Variants in PLCE1 observed in about 807,000 individuals in gnomAD.
PLCE1 encodes the protein 1-phosphatidylinositol 4,5-bisphosphate phosphodiesterase epsilon-1.
PLCE1 carries 119 observed loss-of-function variants against 242.8 expected under a neutral mutation model. The observed-to-expected ratio is 0.49, with a 90% confidence interval of 0.42 to 0.57. The LOEUF (loss-of-function observed/expected upper bound fraction) is 0.57, where lower values mean the gene tolerates loss of function less well. PLCE1 is among the 20% of genes least tolerant of loss of function. The pLI is 0.00. For missense variants in PLCE1, 2,441 were observed against 2,788.8 expected, an observed-to-expected ratio of 0.88 and a Z score of 2.81; for synonymous variants, 945 against 1,017.4, an observed-to-expected ratio of 0.93 and a Z score of 1.35.
intron 27 of PLCE1, among the ~76,000 whole-genome samples, chr10:94,309,115 T>G (rs1469690902): frequency 6.6e-6 from 1 of 152,220 alleles, no homozygotes; most frequent in African/African-American, 2.4e-5. Context: ...CCAATACTTC[T>G]AGAAACTTTA....
Position 94,220,193 on chromosome 10 carries a change from T to C in PLCE1, c.1810-7113T>C, listed in dbSNP as rs563061718. 4.7e-5 allele frequency among the ~76,000 whole-genome samples: 7 copies of C among 148,968 alleles called. No homozygotes were observed. In the East Asian group the frequency reaches 8.0e-4, roughly 17 times the overall value. On this transcript the variant is annotated intron_variant, in intron 4 of 32. Coordinates refer to ENST00000371380, the MANE Select transcript of PLCE1 (RefSeq NM_016341.4). ...AACATTTTATACATACATACATACA[T>C]ACACACACACATACACACACACACA...
chr10:94,144,476 T>C (rs2047058264), intron 3 of PLCE1, among the ~76,000 whole-genome samples: 1 of 152,216 alleles, frequency 6.6e-6, no homozygotes, highest in African/African-American at 2.4e-5. Flanking sequence ...TATCCTTCCA[T>C]TCTTTGATAT....
chr10:94,216,787 C>G (rs1429733224), intron 4 of PLCE1, among the ~76,000 whole-genome samples: 1 of 152,014 alleles, frequency 6.6e-6, no homozygotes, highest in East Asian at 2.0e-4. Context: ...TGTGACTTCT[C>G]AGAATGCTAA....
In PLCE1 at chr10:94,236,214, C is replaced by A. The variant is rs972560922; in HGVS notation, c.2420+94C>A. 4 of 1,026,692 alleles carry A rather than the reference C, an allele frequency of 3.9e-6. No individual in the cohort carries two copies. In the East Asian group the frequency reaches 1.0e-4, roughly 27 times the overall value. 63.6% of individuals were successfully genotyped at this position (1,026,692 alleles called of 1,614,324 possible). ...ACTTCAGCTTAGTTTCAGATGGACA[C>A]CTCATCAAAACCTGCCACTTTTATC... On this transcript the variant is annotated intron_variant, in intron 7 of 32. Coordinates refer to ENST00000371380, the MANE Select transcript of PLCE1 (RefSeq NM_016341.4).
intron 4 of PLCE1, among the ~76,000 whole-genome samples, chr10:94,174,075 T>C (rs777596457): frequency 5.3e-5 from 8 of 152,220 alleles, no homozygotes; most frequent in Admixed American, 2.0e-4. Context: ...AAATGGAGTT[T>C]GCATTTATTT....
chr10:94,012,337 A>G (rs1467280782), intron 1 of PLCE1, among the ~76,000 whole-genome samples: 1 of 151,976 alleles, frequency 6.6e-6, no homozygotes, highest in Admixed American at 6.6e-5. Flanking sequence ...TCATTGGTCC[A>G]GTAGCCAACA....
chr10:94,285,987 T>C (rs1298361752), intron 22 of PLCE1, among the ~76,000 whole-genome samples: 1 of 152,136 alleles, frequency 6.6e-6, no homozygotes, highest in African/African-American at 2.4e-5. Flanking sequence ...GCCTCTCTTG[T>C]TTCGGGCTGT....
intron 20 of PLCE1, among the ~76,000 whole-genome samples, chr10:94,282,995 GGTATAA>G (rs1283464324): frequency 2.6e-5 from 4 of 152,124 alleles, no homozygotes; most frequent in African/African-American, 9.6e-5. Flanking sequence ...GCCCTGATTT[GGTATAA>G]GGTCCTTTTG....
intron 4 of PLCE1, among the ~76,000 whole-genome samples, chr10:94,197,555 A>T (rs1411723810): frequency 6.6e-6 from 1 of 152,180 alleles, no homozygotes; most frequent in African/African-American, 2.4e-5. Context: ...CATGGTTTTG[A>T]TTTCATTTTC....
intron 16 of PLCE1, 89 bp downstream of exon 16, chr10:94,266,047 C>T (rs1487031726): frequency 8.5e-7 from 1 of 1,180,456 alleles, no homozygotes; most frequent in East Asian, 2.4e-5. Flanking sequence ...CCCCAGACTC[C>T]TTTGAAGAGC....
At chr10:94,231,639 T>C (rs971734881) in intron 5 of PLCE1, among the ~76,000 whole-genome samples, 13 of 151,426 alleles carry the variant, frequency 8.6e-5, no homozygotes, top group Admixed American at 1.3e-4. Flanking sequence ...CCAGCCTTTT[T>C]AGCATCAGAG....
At chr10:94,259,665 T>C (rs752612848) in intron 13 of PLCE1, among the ~76,000 whole-genome samples, 5 of 152,150 alleles carry the variant, frequency 3.3e-5, no homozygotes, top group Admixed American at 2.6e-4. Flanking sequence ...AAATTCATCA[T>C]TGTGTGGTTC....
intron 11 of PLCE1, among the ~76,000 whole-genome samples, chr10:94,256,150 C>T (rs1251571707): frequency 6.6e-6 from 1 of 151,268 alleles, no homozygotes; most frequent in East Asian, 1.9e-4. Flanking sequence ...AACAGAAACC[C>T]CATCTCTACA....
intron 4 of PLCE1, among the ~76,000 whole-genome samples, chr10:94,226,797 A>G (rs979649949): frequency 6.7e-6 from 1 of 150,254 alleles, no homozygotes; most frequent in Non-Finnish European, 1.5e-5. Context: ...AAGAAAATAA[A>G]GAGAGAGTTA....
intron 17 of PLCE1, among the ~76,000 whole-genome samples, chr10:94,269,293 G>A (rs1336387548): frequency 6.6e-6 from 1 of 151,420 alleles, no homozygotes; most frequent in Non-Finnish European, 1.5e-5. Flanking sequence ...GTAGAGATGG[G>A]GTTTCACCAC....
At chr10:94,309,496 A>G (rs1475682950) in intron 27 of PLCE1, among the ~76,000 whole-genome samples, 1 of 151,910 alleles carries the variant, frequency 6.6e-6, no homozygotes, top group Non-Finnish European at 1.5e-5. Flanking sequence ...ATGCCCAGAT[A>G]ATGTTTTTCT....
At chr10:94,179,338 T>C (rs1310932221) in intron 4 of PLCE1, among the ~76,000 whole-genome samples, 1 of 151,978 alleles carries the variant, frequency 6.6e-6, no homozygotes, top group African/African-American at 2.4e-5. Context: ...CACAGGGCTT[T>C]CCTCACCCAG....
chr10:94,254,182 G>A lies in PLCE1; in HGVS notation c.3280-8G>A. On this transcript the variant is annotated splice_polypyrimidine_tract_variant and splice_region_variant and intron_variant, in intron 9 of 32. Coordinates refer to ENST00000371380, the MANE Select transcript of PLCE1 (RefSeq NM_016341.4). ...GGCTTGGAACCATCGTGAGCTTTGT[G>A]TTCCCAGGGTGAGAGTGGAGAGGTA... 6.3e-7 allele frequency: 1 copy of A among 1,597,538 alleles called. No individual in the cohort carries two copies. Among genetic ancestry groups the A allele is most frequent in the Middle Eastern group, 1.7e-4 (1 of 6,040 alleles).
chr10:94,171,481 G>T lies in PLCE1; in HGVS notation c.1794G>T (p.Val598=). The change falls in exon 4 of 33, where the codon GTG becomes GTT. Residue 598 remains valine, a synonymous_variant. Coordinates refer to ENST00000371380, the MANE Select transcript of PLCE1 (RefSeq NM_016341.4). The part of the protein sequence containing the change: ...NGEHNALEDL[V]MRFNEVSSWV... ...AGCACAATGCCCTTGAAGATCTGGTGATGAGGTTTAATGAGGTAAGAAGCC... is the reference window on the plus strand; with the variant it reads ...AGCACAATGCCCTTGAAGATCTGGTTATGAGGTTTAATGAGGTAAGAAGCC... 1 of 1,614,044 alleles carries T rather than the reference G, an allele frequency of 6.2e-7. No individual in the cohort carries two copies. Among genetic ancestry groups the T allele is most frequent in the Non-Finnish European group, 8.5e-7 (1 of 1,179,898 alleles).
Sources: gnomAD v4.1 joint callset for allele counts (sites outside exome capture counted in the v4.1 genomes callset) on GRCh38, gnomAD v4.1.1 for gene constraint, MANE v1.5 for transcripts, NCBI Gene and HGNC (gene_info 2026-07-23, HGNC 2026-07-21) for gene names.